The following GBE1 variants were observed in gnomAD, a reference collection of about 807,000 sequenced individuals.
The protein encoded by GBE1 is 1,4-alpha-glucan branching enzyme 1.
Under a neutral mutation model 88.8 loss-of-function variants are expected in GBE1, and 70 were observed. The ratio of observed to expected loss-of-function variants is 0.79; its 90% CI spans 0.65 to 0.96. The LOEUF is 0.96. Among genes scored for constraint, GBE1 ranks in the 40% least tolerant of loss-of-function variants. The probability of loss-of-function intolerance (pLI) is 0.00; values close to 1 mark genes in which losing one functional copy is unlikely to be tolerated. For missense variants in GBE1, 872 were observed against 871.0 expected, an observed-to-expected ratio of 1.00 and a Z score of -0.01; for synonymous variants, 284 against 300.1, an observed-to-expected ratio of 0.95 and a Z score of 0.56.
Position 81,594,339 on chromosome 3 carries a change from C to T in GBE1, c.993-316G>A, listed in dbSNP as rs150061905. On this transcript the variant is annotated intron_variant, in intron 7 of 15. Coordinates refer to ENST00000429644, the MANE Select transcript of GBE1 (RefSeq NM_000158.4). ...TATTCAATGCTGTGTTCTCAGCAAC[C>T]GGAAAAGTGATTACTACATAGTAGT... Among the ~76,000 whole-genome samples the T allele has an allele frequency of 4.3e-3, 658 of 151,832 alleles. 3 individuals are homozygous for T. Among genetic ancestry groups the T allele is most frequent in the African/African-American group, 0.014 (571 of 41,420 alleles).
chr3:81,626,951 T>G (rs1439825493), intron 7 of GBE1, among the ~76,000 whole-genome samples: 1 of 152,198 alleles, frequency 6.6e-6, no homozygotes, highest in Non-Finnish European at 1.5e-5. Flanking sequence ...ACACCTTTCA[T>G]GTATCACACT....
intron 12 of GBE1, among the ~76,000 whole-genome samples, chr3:81,551,340 A>C (rs1703269988): frequency 6.6e-6 from 1 of 152,182 alleles, no homozygotes; most frequent in African/African-American, 2.4e-5. Context: ...GTGCTGGACA[A>C]GAGGGATCAA....
intron 2 of GBE1, among the ~76,000 whole-genome samples, chr3:81,672,923 C>T (rs533342578): frequency 7.9e-5 from 12 of 151,718 alleles, no homozygotes; most frequent in Admixed American, 1.3e-4. Flanking sequence ...GTCTGAATAC[C>T]GGGGGTAAAA....
chr3:81,587,311 C>G (rs1364817883), intron 9 of GBE1, among the ~76,000 whole-genome samples: 1 of 152,144 alleles, frequency 6.6e-6, no homozygotes, highest in Non-Finnish European at 1.5e-5. Context: ...ATTATCAATT[C>G]TAATTCCACA....
At chr3:81,657,718 A>T (rs1456221458) in intron 3 of GBE1, among the ~76,000 whole-genome samples, 1 of 152,128 alleles carries the variant, frequency 6.6e-6, no homozygotes, top group African/African-American at 2.4e-5. Flanking sequence ...AAATTATTTT[A>T]ATTTTCTGTT....
chr3:81,561,004 G>C (rs893499357), intron 12 of GBE1, among the ~76,000 whole-genome samples: 5 of 151,736 alleles, frequency 3.3e-5, no homozygotes, highest in African/African-American at 1.2e-4. Context: ...CTTACTTTAA[G>C]ACACATAGTT....
chr3:81,494,156 A>G (rs541663796), intron 15 of GBE1, among the ~76,000 whole-genome samples: 101 of 152,314 alleles, frequency 6.6e-4, no homozygotes, highest in African/African-American at 2.4e-3. Flanking sequence ...TTTGTGGTAT[A>G]GGCAACATGG....
At chr3:81,627,650 A>G (rs903351231) in intron 7 of GBE1, among the ~76,000 whole-genome samples, 1 of 152,026 alleles carries the variant, frequency 6.6e-6, no homozygotes, top group Non-Finnish European at 1.5e-5. Context: ...AGCTCAACTG[A>G]GAAGTCTAAT....
At chr3:81,703,458 G>T (rs1343249531) in intron 2 of GBE1, among the ~76,000 whole-genome samples, 1 of 152,102 alleles carries the variant, frequency 6.6e-6, no homozygotes, top group South Asian at 2.1e-4. Context: ...TTCCAGTAAA[G>T]AAGCCAGTAG....
intron 2 of GBE1, among the ~76,000 whole-genome samples, chr3:81,679,813 C>A (rs1312957498): frequency 1.3e-5 from 2 of 152,118 alleles, no homozygotes; most frequent in Non-Finnish European, 2.9e-5. Context: ...CTTTGTAGCT[C>A]AATACAGGGG....
chr3:81,576,763 A>AGGCT (rs1394666671), intron 12 of GBE1, among the ~76,000 whole-genome samples: 6,043 of 152,034 alleles, frequency 0.04, 405 homozygotes, highest in African/African-American at 0.14. Context: ...GATGTCAACA[A>AGGCT]ATTTCAGTGA....
chr3:81,651,300 C>T (rs549931168), intron 3 of GBE1, among the ~76,000 whole-genome samples: 13 of 152,280 alleles, frequency 8.5e-5, no homozygotes, highest in Admixed American at 4.6e-4. Context: ...AAAAGCTCAA[C>T]GCAGAGCTTC....
chr3:81,549,514 C>A (rs1405188756), intron 12 of GBE1, among the ~76,000 whole-genome samples: 1 of 151,346 alleles, frequency 6.6e-6, no homozygotes, highest in East Asian at 1.9e-4. Flanking sequence ...TGGCCTCATA[C>A]CTTGTCTACA....
intron 12 of GBE1, among the ~76,000 whole-genome samples, chr3:81,570,719 T>C (rs1399057492): frequency 6.6e-6 from 1 of 152,148 alleles, no homozygotes; most frequent in Non-Finnish European, 1.5e-5. Context: ...GGGGTGGGCA[T>C]TGCACTATAA....
chr3:81,586,066 CA>C (rs1703799306), intron 10 of GBE1, 25 bp downstream of exon 10: 7 of 1,424,312 alleles, frequency 4.9e-6, no homozygotes, highest in South Asian at 3.7e-5. Context: ...TTCACAGAAA[CA>C]AAAAATATTT....
chr3:81,503,592 A>T (rs1702617374), intron 14 of GBE1, among the ~76,000 whole-genome samples: 1 of 152,200 alleles, frequency 6.6e-6, no homozygotes, highest in South Asian at 2.1e-4. Context: ...CAGAAGTACA[A>T]GTGACAGTAT....
At chr3:81,635,385 G>A (rs970247003) in intron 7 of GBE1, among the ~76,000 whole-genome samples, 4 of 152,006 alleles carry the variant, frequency 2.6e-5, no homozygotes, top group Non-Finnish European at 5.9e-5. Context: ...ATGGGAATAA[G>A]GTCCTCAAAA....
intron 12 of GBE1, among the ~76,000 whole-genome samples, chr3:81,562,159 G>A (rs961589693): frequency 6.6e-6 from 1 of 152,046 alleles, no homozygotes; most frequent in African/African-American, 2.4e-5. Context: ...TGGCTCAGCA[G>A]TAGGTGCCAA....
chr3:81,598,802 A>G (rs1262175290), intron 7 of GBE1, among the ~76,000 whole-genome samples: 1 of 151,758 alleles, frequency 6.6e-6, no homozygotes, highest in Non-Finnish European at 1.5e-5. Flanking sequence ...TTGTTCATTC[A>G]ACTACTAAAA....
Sources: gnomAD v4.1 joint callset for allele counts (sites outside exome capture counted in the v4.1 genomes callset) on GRCh38, gnomAD v4.1.1 for gene constraint, MANE v1.5 for transcripts, NCBI Gene and HGNC (gene_info 2026-07-23, HGNC 2026-07-21) for gene names.